Variants in KAT7 observed in about 807,000 individuals in gnomAD.
The protein encoded by KAT7 is histone acetyltransferase KAT7.
A neutral mutation model predicts 82.1 loss-of-function variants in KAT7; 10 were observed. That is an observed-to-expected ratio of 0.12 (90% CI 0.08 to 0.21). The LOEUF (loss-of-function observed/expected upper bound fraction) is 0.21, where lower values mean the gene tolerates loss of function less well. Ranked by LOEUF, KAT7 falls within the 10% of genes least tolerant of loss-of-function variation. The pLI, the probability that KAT7 is intolerant of heterozygous loss-of-function variation, is 1.00. For synonymous variants in KAT7, 250 were observed against 262.5 expected, an observed-to-expected ratio of 0.95 and a Z score of 0.46; for missense variants, 378 against 760.9, an observed-to-expected ratio of 0.50 and a Z score of 5.92.
rs1175833309 is a variant in KAT7, at chr17:49,830,197, TTTTTTTTTTTTAA to T, written c.*2696_*2708del. ...CCGACCTATTTTTTTTTTTTTTTTT[TTTTTTTTTTTTAA>T]AAAAAGACAGTCTCACTCTATCATC... On this transcript the variant is annotated 3_prime_UTR_variant, in exon 15 of 15. Coordinates refer to ENST00000259021, the MANE Select transcript of KAT7 (RefSeq NM_007067.5). 1 of 138,274 alleles carries T rather than the reference TTTTTTTTTTTTAA, an allele frequency of 7.2e-6. No homozygotes were observed. The allele number at this position is 138,274 out of a possible 1,614,324, so 8.6% of individuals were successfully genotyped here.
At chr17:49,809,049 G>A in intron 5 of KAT7, 70 bp from the exon 6 acceptor site, 2 of 1,175,526 alleles carry the variant, frequency 1.7e-6, no homozygotes, top group South Asian at 2.5e-5. Flanking sequence ...CATTATCATT[G>A]TATTCTTATG....
rs1454837533 is a variant in KAT7, at chr17:49,826,023, G to C, written c.1504G>C (p.Glu502Gln). ...AGGTTATTTGCTTTCCAAAGTCGAA[G>C]AAAAAGTTGGCTCCCCAGAACGTCC... ...DFSYLLSKVE[E>Q]KVGSPERPLS... The change falls in exon 13 of 15, where the codon GAA (glutamate) becomes CAA (glutamine). Residue 502 changes from glutamate to glutamine, a missense_variant. By Grantham distance (29) the Glu-to-Gln change is conservative (BLOSUM62 2). Coordinates refer to ENST00000259021, the MANE Select transcript of KAT7 (RefSeq NM_007067.5). The C allele has an allele frequency of 6.2e-7, 1 of 1,611,038 alleles. No individual in the cohort carries two copies. Among genetic ancestry groups the C allele is most frequent in the African/African-American group, 1.3e-5 (1 of 74,940 alleles).
chr17:49,832,514 G>T lies in KAT7; in HGVS notation c.*5012G>T, dbSNP rs2074432593. On this transcript the variant is annotated 3_prime_UTR_variant, in exon 15 of 15. Coordinates refer to ENST00000259021, the MANE Select transcript of KAT7 (RefSeq NM_007067.5). Reference sequence around the variant, plus strand: ...GTAAATATGCACACATTTGTCTATAGTTGAGGAAATTGTGCCGTTGAAGTC... The same window carrying T: ...GTAAATATGCACACATTTGTCTATATTTGAGGAAATTGTGCCGTTGAAGTC... 2.6e-5 allele frequency: 4 copies of T among 152,190 alleles called. No homozygotes were observed. In the South Asian group the frequency reaches 8.3e-4, roughly 32 times the overall value. 9.4% of individuals were successfully genotyped at this position (152,190 alleles called of 1,614,324 possible). A position where few individuals can be genotyped will look rare whatever the true frequency, so the allele number is the denominator to read the frequency against.
chr17:49,795,498 A>C (rs1283358769), intron 2 of KAT7: 2 of 240,370 alleles, frequency 8.3e-6, no homozygotes, highest in African/African-American at 4.6e-5. Flanking sequence ...TTGAGCCCTC[A>C]GACAAGTGTC....
At chr17:49,826,561 C>T (rs1490177392) in intron 13 of KAT7, 132 bp from the exon 14 acceptor site, 4 of 669,542 alleles carry the variant, frequency 6.0e-6, no homozygotes, top group East Asian at 5.1e-5. Flanking sequence ...TAAACTCCTT[C>T]TAAACAGATT....
chr17:49,804,602 G>A (rs999978010), intron 4 of KAT7, among the ~76,000 whole-genome samples: 1 of 151,828 alleles, frequency 6.6e-6, no homozygotes, highest in African/African-American at 2.4e-5. Flanking sequence ...ACTGAGACCC[G>A]TTTCTACAAA....
intron 9 of KAT7, among the ~76,000 whole-genome samples, chr17:49,819,738 T>G (rs1228521360): frequency 6.6e-6 from 1 of 152,230 alleles, no homozygotes; most frequent in African/African-American, 2.4e-5. Flanking sequence ...TGAAATGATC[T>G]TCCTTTGGCT....
In KAT7 at chr17:49,830,524, T is replaced by TG. The variant is rs1248280619; in HGVS notation, c.*3023dup. 2.6e-5 allele frequency: 4 copies of TG among 152,226 alleles called. No homozygotes were observed. Among genetic ancestry groups the TG allele is most frequent in the Non-Finnish European group, 4.4e-5 (3 of 68,036 alleles). The allele number at this position is 152,226 out of a possible 1,614,324, so 9.4% of individuals were successfully genotyped here. ...CTTATCTGCATAACAGAAGCTTAGC[T>TG]GCTTAAGCTCCTTTATTAGAAGAGC... On this transcript the variant is annotated 3_prime_UTR_variant, in exon 15 of 15. Coordinates refer to ENST00000259021, the MANE Select transcript of KAT7 (RefSeq NM_007067.5).
chr17:49,809,339 A>G (rs2074132424), intron 6 of KAT7, 131 bp downstream of exon 6: 3 of 658,262 alleles, frequency 4.6e-6, no homozygotes, highest in Admixed American at 6.0e-5. Flanking sequence ...ACTTAGAATC[A>G]TGTTTGTTTT....
intron 1 of KAT7, 59 bp from the exon 2 acceptor site, chr17:49,791,827 T>G (rs2073892909): frequency 6.5e-7 from 1 of 1,539,254 alleles, no homozygotes; most frequent in Non-Finnish European, 9.0e-7. Flanking sequence ...TTTTCAATGT[T>G]AATGCAAACT....
chr17:49,822,719 C>T (rs1391413576), intron 11 of KAT7, among the ~76,000 whole-genome samples: 2 of 151,994 alleles, frequency 1.3e-5, no homozygotes, highest in African/African-American at 4.8e-5. Context: ...TACTCAATCC[C>T]TCTCAGTTCT....
In KAT7 at chr17:49,833,876, G is replaced by A. The variant is rs961528165; in HGVS notation, c.*6374G>A. ...TGGAGAAGTGAAACAAGGGGACTTC[G>A]GAAACTAAAGGGCTGGAATTCAGTT... On this transcript the variant is annotated 3_prime_UTR_variant, in exon 15 of 15. Coordinates refer to ENST00000259021, the MANE Select transcript of KAT7 (RefSeq NM_007067.5). 4 of 152,290 alleles carry A rather than the reference G, an allele frequency of 2.6e-5. 1 individual carries two copies. Among genetic ancestry groups the A allele is most frequent in the Non-Finnish European group, 5.9e-5 (4 of 68,020 alleles). The allele number at this position is 152,290 out of a possible 1,614,324, so 9.4% of individuals were successfully genotyped here. A position where few individuals can be genotyped will look rare whatever the true frequency, so the allele number is the denominator to read the frequency against.
In KAT7 at chr17:49,788,863, G is replaced by A. The variant is rs1598044108; in HGVS notation, c.15+14G>A. The A allele has an allele frequency of 6.3e-7, 1 of 1,585,310 alleles. No homozygotes were observed. The highest frequency in any genetic ancestry group is 2.3e-5 in the East Asian group (1 of 42,776). Reference sequence around the variant, plus strand: ...CCGCGAAGGAAGGTGAGAAACGGGAGAGGAGGGATGGCGGGTTTCTAAGGA... The same window carrying A: ...CCGCGAAGGAAGGTGAGAAACGGGAAAGGAGGGATGGCGGGTTTCTAAGGA... On this transcript the variant is annotated intron_variant, in intron 1 of 14. Coordinates refer to ENST00000259021, the MANE Select transcript of KAT7 (RefSeq NM_007067.5).
intron 4 of KAT7, among the ~76,000 whole-genome samples, chr17:49,803,453 C>T (rs1200385408): frequency 6.6e-6 from 1 of 151,248 alleles, no homozygotes; most frequent in African/African-American, 2.4e-5. Flanking sequence ...GAGATGGAGT[C>T]TCGCTTTGTC....
chr17:49,807,094 G>A (rs1216139876), intron 5 of KAT7, among the ~76,000 whole-genome samples: 1 of 152,198 alleles, frequency 6.6e-6, no homozygotes, highest in East Asian at 1.9e-4. Context: ...TATTTCTGTA[G>A]CTGCATGTGC....
chr17:49,827,558 G>A lies in KAT7; in HGVS notation c.*56G>A. ...CAGCAGTAGGAATCCGTACCCTAGGGATCTGTCTGTCATTTCTCTGTTGCT... is the reference window on the plus strand; with the variant it reads ...CAGCAGTAGGAATCCGTACCCTAGGAATCTGTCTGTCATTTCTCTGTTGCT... On this transcript the variant is annotated 3_prime_UTR_variant, in exon 15 of 15. Coordinates refer to ENST00000259021, the MANE Select transcript of KAT7 (RefSeq NM_007067.5). 2 of 990,112 alleles carry A rather than the reference G, an allele frequency of 2.0e-6. No individual in the cohort carries two copies. Among genetic ancestry groups the A allele is most frequent in the Non-Finnish European group, 3.2e-6 (2 of 618,190 alleles). The allele number at this position is 990,112 out of a possible 1,614,324, so 61.3% of individuals were successfully genotyped here.
At chr17:49,824,486 A>T (rs569752277) in intron 12 of KAT7, 8 of 152,276 alleles carry the variant, frequency 5.3e-5, no homozygotes, top group Admixed American at 1.3e-4. Context: ...CAGCCTCACG[A>T]GTAGCTGGGA....
intron 10 of KAT7, 58 bp from the exon 11 acceptor site, chr17:49,821,592 G>C: frequency 1.3e-6 from 2 of 1,590,636 alleles, no homozygotes; most frequent in Non-Finnish European, 1.7e-6. Context: ...TGAATTTTAG[G>C]CCTTTATCTG....
At chr17:49,791,375 T>A (rs2073886505) in intron 1 of KAT7, among the ~76,000 whole-genome samples, 1 of 152,036 alleles carries the variant, frequency 6.6e-6, no homozygotes, top group African/African-American at 2.4e-5. Flanking sequence ...ATTCTCTTCA[T>A]GGCCGGGTGT....
Sources: allele counts gnomAD v4.1 joint callset (sites outside exome capture counted in the v4.1 genomes callset), GRCh38; gene constraint gnomAD v4.1.1; transcripts MANE v1.5; gene names NCBI Gene and HGNC (gene_info 2026-07-23, HGNC 2026-07-21).